Variants in PTCD3 observed in about 807,000 individuals in gnomAD.
The protein encoded by PTCD3 is small ribosomal subunit protein mS39.
PTCD3 carries 89 observed loss-of-function variants against 101.9 expected under a neutral mutation model. The observed-to-expected ratio is 0.87, with a 90% CI of 0.74 to 1.04. PTCD3 has a LOEUF of 1.04. Among genes scored for constraint, PTCD3 ranks in the 50% least tolerant of loss-of-function variants. The pLI is 0.00. For synonymous variants in PTCD3, 296 were observed against 278.5 expected, an observed-to-expected ratio of 1.06 and a Z score of -0.63; for missense variants, 870 against 828.2, an observed-to-expected ratio of 1.05 and a Z score of -0.62.
chr2:86,121,325 T>C lies in PTCD3; in HGVS notation c.539-154T>C, dbSNP rs1558796428. 22 of 488,454 alleles carry C rather than the reference T, an allele frequency of 4.5e-5. No homozygotes were observed. The East Asian group carries it at 6.8e-4, about 15-fold the overall frequency. The allele number at this position is 488,454 out of a possible 1,614,324, so 30.3% of individuals were successfully genotyped here. On this transcript the variant is annotated intron_variant, in intron 7 of 23. Transcript: ENST00000254630. ...TCCCTGTCTACGTCACTTCAGGTGT[T>C]TAAGTTGACGTTGAGTGCATAAAGT...
chr2:86,121,609 C>A lies in PTCD3; in HGVS notation c.654+15C>A. The A allele has an allele frequency of 6.6e-7, 1 of 1,523,066 alleles. No homozygotes were observed. Among genetic ancestry groups the A allele is most frequent in the Non-Finnish European group, 8.9e-7 (1 of 1,124,488 alleles). 94.3% of individuals were successfully genotyped at this position (1,523,066 alleles called of 1,614,324 possible). A position where few individuals can be genotyped will look rare whatever the true frequency, so the allele number is the denominator to read the frequency against. ...CAGAAGCATTGGTAATAACTGTTGG[C>A]CTTGATTTTTTTTTTTCCTTAAGCT... On this transcript the variant is annotated intron_variant, in intron 8 of 23. Coordinates refer to ENST00000254630, the MANE Select transcript of PTCD3 (RefSeq NM_017952.6).
At chr2:86,130,907 C>A in intron 15 of PTCD3, 170 bp downstream of exon 15, 1 of 1,447,472 alleles carries the variant, frequency 6.9e-7, no homozygotes, top group South Asian at 1.4e-5. Flanking sequence ...TTGCCATGGT[C>A]TTTCTGAGAA....
chr2:86,130,142 A>G (rs1163595030), intron 14 of PTCD3, among the ~76,000 whole-genome samples: 1 of 152,150 alleles, frequency 6.6e-6, no homozygotes, highest in Non-Finnish European at 1.5e-5. Flanking sequence ...TCTACTAAAA[A>G]TACAAAAAAT....
rs1573862909 is a variant in PTCD3, at chr2:86,141,814, G to T, written c.*4255G>T. ...TTTCACTTGCAGTTTAAATGAAAGG[G>T]TGAAGAGAAGCCTACCTGCCCTAAT... On this transcript the variant is annotated 3_prime_UTR_variant, in exon 24 of 24. Coordinates refer to ENST00000254630, the MANE Select transcript of PTCD3 (RefSeq NM_017952.6). 1 of 152,186 alleles carries T rather than the reference G, an allele frequency of 6.6e-6. No individual in the cohort carries two copies. The highest frequency in any genetic ancestry group is 1.5e-5 in the Non-Finnish European group (1 of 68,046). The allele number at this position is 152,186 out of a possible 1,614,324, so 9.4% of individuals were successfully genotyped here. A position where few individuals can be genotyped will look rare whatever the true frequency, so the allele number is the denominator to read the frequency against.
At chr2:86,130,545 C>G (rs904235341) in intron 14 of PTCD3, 103 bp from the exon 15 acceptor site, 9 of 1,500,898 alleles carry the variant, frequency 6.0e-6, no homozygotes, top group Non-Finnish European at 7.1e-6. Flanking sequence ...AGGACTTAGG[C>G]TGGAGGTGGA....
chr2:86,116,708 A>G (rs1674184431), intron 5 of PTCD3, 110 bp downstream of exon 5: 1 of 792,244 alleles, frequency 1.3e-6, no homozygotes, highest in South Asian at 1.6e-5. Flanking sequence ...ATGCTGAGAA[A>G]TTGATAGACT....
intron 17 of PTCD3, chr2:86,132,916 A>AAT: frequency 2.1e-6 from 1 of 468,270 alleles, no homozygotes; most frequent in East Asian, 3.5e-5. Context: ...TTTAAAATGA[A>AAT]TTTGAAATTC....
intron 23 of PTCD3, 71 bp from the exon 24 acceptor site, chr2:86,137,398 T>G: frequency 6.3e-6 from 10 of 1,596,910 alleles, no homozygotes; most frequent in Non-Finnish European, 8.5e-6. Flanking sequence ...TATAGGTGAG[T>G]GTCAGAGACA....
At chr2:86,134,758 T>A in intron 20 of PTCD3, 81 bp from the exon 21 acceptor site, 1 of 1,489,316 alleles carries the variant, frequency 6.7e-7, no homozygotes, top group Non-Finnish European at 9.3e-7. Flanking sequence ...TGCTCAGATT[T>A]TAAGGATCCT....
intron 3 of PTCD3, 145 bp downstream of exon 3, chr2:86,108,681 T>A: frequency 1.4e-6 from 1 of 739,954 alleles, no homozygotes; most frequent in Non-Finnish European, 2.1e-6. Context: ...AAGCTAGGAG[T>A]TTAAAGGACA....
At chr2:86,130,963 C>G (rs1199502239) in intron 15 of PTCD3, 115 bp from the exon 16 acceptor site, 31 of 1,394,390 alleles carry the variant, frequency 2.2e-5, no homozygotes, top group Non-Finnish European at 2.8e-5. Context: ...TTTTTATGTT[C>G]TTAGCTTTAT....
intron 4 of PTCD3, among the ~76,000 whole-genome samples, chr2:86,116,102 T>TGTTTGTC (rs1674171535): frequency 6.6e-6 from 1 of 152,142 alleles, no homozygotes; most frequent in African/African-American, 2.4e-5. Flanking sequence ...ACAGTGCAGG[T>TGTTTGTC]GTTTGTCTTT....
rs745477873 is a variant in PTCD3, at chr2:86,131,098, A to G, written c.1258A>G (p.Met420Val). 9 of 1,601,672 alleles carry G rather than the reference A, an allele frequency of 5.6e-6. No individual in the cohort carries two copies. In the East Asian group the frequency reaches 1.4e-4, roughly 24 times the overall value. Residue 420 changes from methionine (M) to valine (V), a missense_variant, in exon 16 of 24, where the codon ATG becomes GTG. Physicochemically the swap from Met to Val is conservative, Grantham distance 21. Transcript: ENST00000254630. ...TTCAGATAAGTTTTTTCAGTCAGCC[A>G]TGAGCATAGTAAGTATCATTTCTTT... ...PDDDKFFQSAMSICSSLRDLE... is the reference protein window; with the variant it reads ...PDDDKFFQSAVSICSSLRDLE...
chr2:86,116,957 G>GT (rs370928001), intron 5 of PTCD3, 98 bp from the exon 6 acceptor site: 7,693 of 601,496 alleles, frequency 0.013, 189 homozygotes, highest in African/African-American at 0.084. Flanking sequence ...TGTTGCATTT[G>GT]TTTTTTTTTG....
At chr2:86,116,722 T>C in intron 5 of PTCD3, 124 bp downstream of exon 5, 1 of 736,498 alleles carries the variant, frequency 1.4e-6, no homozygotes, top group South Asian at 1.7e-5. Flanking sequence ...ATAGACTATG[T>C]GAATCCTTTA....
At chr2:86,119,132 A>C in intron 7 of PTCD3, 88 bp downstream of exon 7, 2 of 1,508,156 alleles carry the variant, frequency 1.3e-6, no homozygotes, top group Non-Finnish European at 1.8e-6. Context: ...AGTAAGAGTT[A>C]CAGGTCCTGC....
chr2:86,106,720 A>G (rs1308871694), intron 1 of PTCD3, among the ~76,000 whole-genome samples: 1 of 152,226 alleles, frequency 6.6e-6, no homozygotes, highest in Non-Finnish European at 1.5e-5. Flanking sequence ...AGAACGTACA[A>G]GATCTTCCCA....
rs1674474719 is a variant in PTCD3, at chr2:86,130,425, T to C, written c.1148-223T>C. ...GACTAAAGGAAGGAGAAAGTCTCAGTGGAGCACATGAACAGAGACCTGTGA... is the reference window on the plus strand; with the variant it reads ...GACTAAAGGAAGGAGAAAGTCTCAGCGGAGCACATGAACAGAGACCTGTGA... On this transcript the variant is annotated intron_variant, in intron 14 of 23. Coordinates refer to ENST00000254630, the MANE Select transcript of PTCD3 (RefSeq NM_017952.6). 2.0e-5 allele frequency among the ~76,000 whole-genome samples: 3 copies of C among 152,352 alleles called. No individual in the cohort carries two copies. In the South Asian group the frequency reaches 6.2e-4, roughly 32 times the overall value.
rs1320786025 is a variant in PTCD3 at position 86,133,265 on chromosome 2, G to A, written c.1452+9G>A. The A allele has an allele frequency of 6.2e-7, 1 of 1,613,816 alleles. No homozygotes were observed. Among genetic ancestry groups the A allele is most frequent in the African/African-American group, 1.3e-5 (1 of 74,870 alleles). On this transcript the variant is annotated intron_variant, in intron 18 of 23. Coordinates refer to ENST00000254630, the MANE Select transcript of PTCD3 (RefSeq NM_017952.6). ...AGGACCTGATACCTTCAGTAAGATG[G>A]TTCATTACTTGTTATTTATCATTCT...
Sources: gnomAD v4.1 joint callset for allele counts (sites outside exome capture counted in the v4.1 genomes callset) on GRCh38, gnomAD v4.1.1 for gene constraint, MANE v1.5 for transcripts, NCBI Gene and HGNC (gene_info 2026-07-23, HGNC 2026-07-21) for gene names.